Variants in LTBP3 observed in about 807,000 individuals in gnomAD.
LTBP3 encodes the protein latent transforming growth factor beta binding protein 3.
A neutral mutation model predicts 159.7 loss-of-function variants in LTBP3; 97 were observed. The ratio of observed to expected loss-of-function variants is 0.61; its 90% CI spans 0.52 to 0.72. The LOEUF is 0.72. Ranked by LOEUF, LTBP3 falls within the 30% of genes least tolerant of loss-of-function variation. The pLI is 0.00. For synonymous variants in LTBP3, 824 were observed against 777.1 expected, an observed-to-expected ratio of 1.06 and a Z score of -1.00; for missense variants, 1,584 against 1,864.3, an observed-to-expected ratio of 0.85 and a Z score of 2.77.
At position 65,540,893 on chromosome 11, in the gene LTBP3, G is replaced by C; in HGVS notation, c.2955C>G (p.Asn985Lys). ...KGYTQDNNIV[N>K]YGIPAHRDID... ...TACCACGGTGGGCTGGGATGCCGTA[G>C]TTGACGATGTTGTTGTCCTGGGTGT... The change falls in exon 21 of 28, where the codon AAC (asparagine) becomes AAG (lysine). Residue 985 changes from asparagine (N) to lysine (K), a missense_variant. Coordinates refer to ENST00000301873, the MANE Select transcript of LTBP3 (RefSeq NM_001130144.3). 1 of 1,613,218 alleles carries C rather than the reference G, an allele frequency of 6.2e-7. No homozygotes were observed. Among genetic ancestry groups the C allele is most frequent in the Non-Finnish European group, 8.5e-7 (1 of 1,179,688 alleles).
At position 65,539,039 on chromosome 11, in the gene LTBP3, A is replaced by T; in HGVS notation, c.*41T>A. On this transcript the variant is annotated 3_prime_UTR_variant, in exon 28 of 28. Transcript: ENST00000301873. ...GAGGCCGAGCTCGCGGAAATCCCTC[A>T]GTGATCACCGAGGTCTGGGCCGAGG... 1 of 1,335,946 alleles carries T rather than the reference A, an allele frequency of 7.5e-7. No individual in the cohort carries two copies. The highest frequency in any genetic ancestry group is 9.6e-7 in the Non-Finnish European group (1 of 1,045,004). 82.8% of individuals were successfully genotyped at this position (1,335,946 alleles called of 1,614,324 possible). A position where few individuals can be genotyped will look rare whatever the true frequency, so the allele number is the denominator to read the frequency against.
rs552748040 is a variant in LTBP3 at position 65,557,662 on chromosome 11, T to C, written c.298A>G (p.Thr100Ala). ...MTLIGENGHS[T>A]DTLTGSGFRV... ...AAGCCGGAGCCCGTGAGCGTGTCTG[T>C]GCTGTGGCCGTTCTCTCCGATGAGC... The change falls in exon 1 of 28, where the codon ACA becomes GCA. Residue 100 changes from threonine to alanine, a missense_variant. Physicochemically the swap from Thr to Ala is moderately conservative, Grantham distance 58 (BLOSUM62 0). Transcript: ENST00000301873. 1.2e-5 allele frequency: 20 copies of C among 1,611,062 alleles called. No individual in the cohort carries two copies. The East Asian group carries it at 4.0e-4, about 32-fold the overall frequency.
Position 65,538,771 on chromosome 11 carries a change from C to A in LTBP3, c.*309G>T, listed in dbSNP as rs1295870669. On this transcript the variant is annotated 3_prime_UTR_variant, in exon 28 of 28. Transcript: ENST00000301873. ...GGGTCTGGCGCCGCCCTGCGCAGCCCGCGCCCACGTCAGACGTGAACATCA... is the reference window on the plus strand; with the variant it reads ...GGGTCTGGCGCCGCCCTGCGCAGCCAGCGCCCACGTCAGACGTGAACATCA... 1.7e-5 allele frequency: 15 copies of A among 857,264 alleles called. No homozygotes were observed. The highest frequency in any genetic ancestry group is 2.6e-5 in the Non-Finnish European group (15 of 578,594). The allele number at this position is 857,264 out of a possible 1,614,324, so 53.1% of individuals were successfully genotyped here.
Position 65,557,970 on chromosome 11 carries a change from A to C in LTBP3, c.-11T>G. 1.8e-6 allele frequency: 2 copies of C among 1,135,844 alleles called. No individual in the cohort carries two copies. The highest frequency in any genetic ancestry group is 2.2e-6 in the Non-Finnish European group (2 of 930,182). 70.4% of individuals were successfully genotyped at this position (1,135,844 alleles called of 1,614,324 possible). On this transcript the variant is annotated 5_prime_UTR_variant, in exon 1 of 28. Coordinates refer to ENST00000301873, the MANE Select transcript of LTBP3 (RefSeq NM_001130144.3). ...TCGGGGCCCGGGCATCCGGGGCCGC[A>C]GGACCCGGGGGAGGGGGGGCGCGCC...
At position 65,551,457 on chromosome 11, in the gene LTBP3, C is replaced by T. The variant is rs1253230454; in HGVS notation, c.1566G>A (p.Arg522=). The change falls in exon 10 of 28, where the codon AGG becomes AGA. Residue 522 remains arginine (R), a synonymous_variant. Transcript: ENST00000301873. ...CAGTTGGGTGGCTCTGCTGCACTGA[C>T]CTCTCCTCACTCACCGGCTGCGGGT... ...VTTDSPVSEE[R]SVQQSHPTAT... 1.2e-6 allele frequency: 2 copies of T among 1,614,016 alleles called. No homozygotes were observed. Among genetic ancestry groups the T allele is most frequent in the Non-Finnish European group, 8.5e-7 (1 of 1,180,010 alleles).
chr11:65,556,040 C>T (rs1044178774), intron 1 of LTBP3, among the ~76,000 whole-genome samples: 6 of 152,166 alleles, frequency 3.9e-5, no homozygotes, highest in Non-Finnish European at 8.8e-5. Context: ...GTGAGAGTGA[C>T]CTCCCAATGA....
chr11:65,554,678 G>A lies in LTBP3; in HGVS notation c.332-298C>T, dbSNP rs1029987782. ...ATCTGTAGAGATGTGTGGGTTAGAT[G>A]AGGTAAGGGCTGTACAAATGCTTAC... On this transcript the variant is annotated intron_variant, in intron 1 of 27. Coordinates refer to ENST00000301873, the MANE Select transcript of LTBP3 (RefSeq NM_001130144.3). The surrounding 1 kb of genome is among the most constrained non-coding windows in gnomAD (Gnocchi z 5.3). 6.6e-6 allele frequency among the ~76,000 whole-genome samples: 1 copy of A among 152,116 alleles called. No homozygotes were observed. Among genetic ancestry groups the A allele is most frequent in the African/African-American group, 2.4e-5 (1 of 41,420 alleles).
intron 19 of LTBP3, 41 bp from the exon 20 acceptor site, chr11:65,541,334 C>T: frequency 6.2e-7 from 1 of 1,600,954 alleles, no homozygotes; most frequent in South Asian, 1.1e-5. Flanking sequence ...CACAGACCCC[C>T]CTTGGCCCTG....
At position 65,540,370 on chromosome 11, in the gene LTBP3, C is replaced by T. The variant is rs1282909806; in HGVS notation, c.3119G>A (p.Cys1040Tyr). The T allele has an allele frequency of 6.3e-7, 1 of 1,597,016 alleles. No homozygotes were observed. The highest frequency in any genetic ancestry group is 8.5e-7 in the Non-Finnish European group (1 of 1,173,064). ...NLLECVDVDECLDESNCRNGV... is the reference protein window; with the variant it reads ...NLLECVDVDEYLDESNCRNGV... The stretch of plus-strand genomic sequence containing the variant: ...GTTCCGGCAGTTGGACTCGTCCAGG[C>T]ACTCGTCCACGTCTGCAGGGAGGAA... The change falls in exon 23 of 28, where the codon TGC becomes TAC. Residue 1040 changes from cysteine to tyrosine, a missense_variant. Cys to Tyr is a radical substitution (Grantham distance 194, BLOSUM62 -2). This residue lies in a region of LTBP3 where 514 missense variants were observed against 530.3 expected (regional missense o/e 0.97). Coordinates refer to ENST00000301873, the MANE Select transcript of LTBP3 (RefSeq NM_001130144.3).
chr11:65,539,762 CGCG>C lies in LTBP3; in HGVS notation c.3502_3504del (p.Arg1168del). On this transcript the variant is annotated inframe_deletion, in exon 25 of 28. Coordinates refer to ENST00000301873, the MANE Select transcript of LTBP3 (RefSeq NM_001130144.3). ...CACGGTCGGCATTGGGCGCCCCAGC[CGCG>C]GCCCTGGCGGCAGCAGCAGTCGTCG... 2.6e-6 allele frequency: 4 copies of C among 1,545,290 alleles called. No individual in the cohort carries two copies. The highest frequency in any genetic ancestry group is 3.5e-6 in the Non-Finnish European group (4 of 1,152,636).
chr11:65,556,229 A>T (rs1240065068), intron 1 of LTBP3, among the ~76,000 whole-genome samples: 1 of 152,120 alleles, frequency 6.6e-6, no homozygotes, highest in Non-Finnish European at 1.5e-5. Flanking sequence ...GGTTCACATA[A>T]ACATTCCCAT....
Position 65,558,107 on chromosome 11 carries a change from G to A in LTBP3, c.-148C>T. On this transcript the variant is annotated 5_prime_UTR_variant, in exon 1 of 28. Coordinates refer to ENST00000301873, the MANE Select transcript of LTBP3 (RefSeq NM_001130144.3). Reference sequence around the variant, plus strand: ...GGGAAGCGGGCGGGAGGGGACCGCGGGGGCCCGGCGGGAGGCGCGGAGATG... The same window carrying A: ...GGGAAGCGGGCGGGAGGGGACCGCGAGGGCCCGGCGGGAGGCGCGGAGATG... 9.3e-7 allele frequency: 1 copy of A among 1,078,766 alleles called. No individual in the cohort carries two copies. The highest frequency in any genetic ancestry group is 4.5e-5 in the South Asian group (1 of 22,288). The allele number at this position is 1,078,766 out of a possible 1,614,324, so 66.8% of individuals were successfully genotyped here.
At position 65,541,586 on chromosome 11, in the gene LTBP3, G is replaced by T; in HGVS notation, c.2725+14C>A. The stretch of plus-strand genomic sequence containing the variant: ...AGTTGTCCAGTCCGAGGGAGGAGCT[G>T]GGAGGACACTCACCCTCACAACCGT... On this transcript the variant is annotated intron_variant, in intron 19 of 27. Transcript: ENST00000301873. 1 of 1,614,104 alleles carries T rather than the reference G, an allele frequency of 6.2e-7. No homozygotes were observed. Among genetic ancestry groups the T allele is most frequent in the Middle Eastern group, 1.6e-4 (1 of 6,062 alleles).
In LTBP3 at chr11:65,546,676, C is replaced by T; in HGVS notation, c.2231-112G>A. The T allele has an allele frequency of 6.5e-7, 1 of 1,548,878 alleles. No individual in the cohort carries two copies. Among genetic ancestry groups the T allele is most frequent in the Non-Finnish European group, 8.7e-7 (1 of 1,151,468 alleles). ...CGCGGGGTTGAGAGGGCAGCCTCTA[C>T]TCCCGGAAGGCCCCGCCCCCAGACG... On this transcript the variant is annotated intron_variant, in intron 15 of 27. Transcript: ENST00000301873. The surrounding 1 kb of genome is among the most constrained non-coding windows in gnomAD (Gnocchi z 4.0).
rs1444754670 is a variant in LTBP3, at chr11:65,539,621, A to G, written c.3555T>C (p.His1185=). ...RPCPPRGAGS[H]CPTSQSESNS... ...TGCTCTCGCTCTGCGATGTCGGGCA[A>G]TGGGACCCTGGGAGGAGCAGAACTG... The change falls in exon 26 of 28, where the codon CAT becomes CAC. Residue 1185 remains histidine (H), a synonymous_variant. Transcript: ENST00000301873. 33 of 1,610,650 alleles carry G rather than the reference A, an allele frequency of 2.0e-5. No homozygotes were observed. Among genetic ancestry groups the G allele is most frequent in the Non-Finnish European group, 2.5e-5 (29 of 1,178,848 alleles).
At position 65,546,425 on chromosome 11, in the gene LTBP3, G is replaced by A. The variant is rs767553195; in HGVS notation, c.2353+17C>T. The A allele has an allele frequency of 3.1e-5, 48 of 1,534,918 alleles. No individual in the cohort carries two copies. The highest frequency in any genetic ancestry group is 4.0e-5 in the Non-Finnish European group (46 of 1,146,764). On this transcript the variant is annotated intron_variant, in intron 16 of 27. Transcript: ENST00000301873. This position sits in a 1 kb window ranked among gnomAD's most constrained non-coding sequence, Gnocchi z 4.0. The stretch of plus-strand genomic sequence containing the variant: ...TAGGGGGCGGCGGAGGCCCGGGGCG[G>A]GGGTGCTGGCGCTCACCCAAGCAAC...
rs981721540 is a variant in LTBP3 at position 65,546,689 on chromosome 11, C to G, written c.2230+109G>C. ...GGGCAGCCTCTACTCCCGGAAGGCC[C>G]CGCCCCCAGACGCCAATCACCACCG... On this transcript the variant is annotated intron_variant, in intron 15 of 27. Transcript: ENST00000301873. This position sits in a 1 kb window ranked among gnomAD's most constrained non-coding sequence, Gnocchi z 4.0. 2.5e-5 allele frequency: 38 copies of G among 1,534,194 alleles called. No homozygotes were observed. Among genetic ancestry groups the G allele is most frequent in the Middle Eastern group, 2.3e-4 (1 of 4,330 alleles).
Position 65,558,337 on chromosome 11 carries a change from G to A in LTBP3, c.-378C>T. ...GCGGCCGCGGGGAGGCAGGGAGCGC[G>A]CGGGGAGGGCTCAGGGAGAAGTGAG... On this transcript the variant is annotated 5_prime_UTR_variant, in exon 1 of 28. Transcript: ENST00000301873. The A allele has an allele frequency of 3.1e-6, 1 of 319,750 alleles. No homozygotes were observed. Among genetic ancestry groups the A allele is most frequent in the Non-Finnish European group, 4.9e-6 (1 of 205,422 alleles). The allele number at this position is 319,750 out of a possible 1,614,324, so 19.8% of individuals were successfully genotyped here. A position where few individuals can be genotyped will look rare whatever the true frequency, so the allele number is the denominator to read the frequency against.
chr11:65,546,414 G>A lies in LTBP3; in HGVS notation c.2353+28C>T. ...GCTTCAGCGCGTAGGGGGCGGCGGA[G>A]GCCCGGGGCGGGGGTGCTGGCGCTC... On this transcript the variant is annotated intron_variant, in intron 16 of 27. Transcript: ENST00000301873. This position sits in a 1 kb window ranked among gnomAD's most constrained non-coding sequence, Gnocchi z 4.0. 1 of 1,521,840 alleles carries A rather than the reference G, an allele frequency of 6.6e-7. No individual in the cohort carries two copies. The highest frequency in any genetic ancestry group is 8.8e-7 in the Non-Finnish European group (1 of 1,140,686). 94.3% of individuals were successfully genotyped at this position (1,521,840 alleles called of 1,614,324 possible).
Sources: gnomAD v4.1 joint callset for allele counts (sites outside exome capture counted in the v4.1 genomes callset) on GRCh38, gnomAD v4.1.1 for gene constraint, gnomAD v4.1.1 regional missense constraint, Gnocchi (gnomAD v3.1) non-coding constraint, MANE v1.5 for transcripts, NCBI Gene and HGNC (gene_info 2026-07-23, HGNC 2026-07-21) for gene names.